The following CRTC1 variants were observed in gnomAD, a reference collection of about 807,000 sequenced individuals.
CRTC1 encodes the protein CREB-regulated transcription coactivator 1.
Under a neutral mutation model 66.1 loss-of-function variants are expected in CRTC1, and 18 were observed. The observed-to-expected ratio is 0.27, with a 90% CI of 0.19 to 0.40. CRTC1 has a LOEUF of 0.40. Among genes scored for constraint, CRTC1 ranks in the 10% least tolerant of loss-of-function variants. The pLI is 1.00. For missense variants in CRTC1, 669 were observed against 887.9 expected, an observed-to-expected ratio of 0.75 and a Z score of 3.13; for synonymous variants, 416 against 398.8, an observed-to-expected ratio of 1.04 and a Z score of -0.51.
At chr19:18,722,354 G>A (rs887224303) in intron 1 of CRTC1, among the ~76,000 whole-genome samples, 7 of 152,182 alleles carry the variant, frequency 4.6e-5, no homozygotes, top group African/African-American at 1.7e-4. Context: ...AGACATATGC[G>A]CCCATGTCCT....
chr19:18,769,530 T>C (rs1229847612), intron 10 of CRTC1, among the ~76,000 whole-genome samples: 1 of 152,206 alleles, frequency 6.6e-6, no homozygotes. Context: ...CCGCCTGAGC[T>C]GGGTGGGGCA....
rs1568514007 is a variant in CRTC1, at chr19:18,741,287, G to A, written c.127-1623G>A. Among the ~76,000 whole-genome samples, 1 of 152,220 alleles carries A rather than the reference G, an allele frequency of 6.6e-6. No individual in the cohort carries two copies. Among genetic ancestry groups the A allele is most frequent in the African/African-American group, 2.4e-5 (1 of 41,464 alleles). On this transcript the variant is annotated intron_variant, in intron 1 of 13. Coordinates refer to ENST00000321949, the MANE Select transcript of CRTC1 (RefSeq NM_015321.3). The surrounding 1 kb of genome is among the most constrained non-coding windows in gnomAD (Gnocchi z 4.2). ...AGGGAGTTCTTGCCCCTGATGTCTG[G>A]CCTCCTGGGAGCTGGCAGCTCAGCC...
chr19:18,729,409 G>A (rs1175137610), intron 1 of CRTC1, among the ~76,000 whole-genome samples: 1 of 147,168 alleles, frequency 6.8e-6, no homozygotes, highest in Non-Finnish European at 1.5e-5. Context: ...CTGGGCAACA[G>A]AGCGAGACTC....
chr19:18,741,234 G>A lies in CRTC1; in HGVS notation c.127-1676G>A, dbSNP rs986087846. 6.6e-5 allele frequency among the ~76,000 whole-genome samples: 10 copies of A among 152,200 alleles called. No individual in the cohort carries two copies. Among genetic ancestry groups the A allele is most frequent in the Non-Finnish European group, 1.5e-4 (10 of 68,026 alleles). On this transcript the variant is annotated intron_variant, in intron 1 of 13. Coordinates refer to ENST00000321949, the MANE Select transcript of CRTC1 (RefSeq NM_015321.3). This position sits in a 1 kb window ranked among gnomAD's most constrained non-coding sequence, Gnocchi z 4.2. ...CCGCATCCCAGGTTTCCTGTGGCCC[G>A]GGGACATAGTGTAAACAAAGCTGCT...
chr19:18,774,926 T>C lies in CRTC1; in HGVS notation c.1452T>C (p.Phe484=). The C allele has an allele frequency of 6.2e-7, 1 of 1,610,794 alleles. No homozygotes were observed. Among genetic ancestry groups the C allele is most frequent in the Non-Finnish European group, 8.5e-7 (1 of 1,179,982 alleles). Residue 484 remains phenylalanine (F), a synonymous_variant, in exon 12 of 14, where the codon TTT becomes TTC. Coordinates refer to ENST00000321949, the MANE Select transcript of CRTC1 (RefSeq NM_015321.3). ...PQHTSTLGSV[F]GDAYYEQQMA... Reference sequence around the variant, plus strand: ...ACACTTCCACCCTGGGCAGCGTGTTTGGGGACGCGTACTATGAGCAGCAGA... The same window carrying C: ...ACACTTCCACCCTGGGCAGCGTGTTCGGGGACGCGTACTATGAGCAGCAGA...
chr19:18,769,220 G>A lies in CRTC1; in HGVS notation c.1320+427G>A, dbSNP rs570407448. ...AGGCCAGTCCAAGAGGCGGCAGCCC[G>A]TTGGGCACAGCGCCTGGGGCCCAGG... is the stretch of plus-strand genomic sequence containing the variant. On this transcript the variant is annotated intron_variant, in intron 10 of 13. Coordinates refer to ENST00000321949, the MANE Select transcript of CRTC1 (RefSeq NM_015321.3). 4.7e-3 allele frequency among the ~76,000 whole-genome samples: 719 copies of A among 152,340 alleles called. 5 individuals carry two copies. The highest frequency in any genetic ancestry group is 7.4e-3 in the Admixed American group (113 of 15,310).
intron 1 of CRTC1, among the ~76,000 whole-genome samples, chr19:18,714,845 C>T (rs2053470630): frequency 6.6e-6 from 1 of 152,370 alleles, no homozygotes; most frequent in Admixed American, 6.5e-5. Context: ...CTATATGCTC[C>T]CTTGCCCTCC....
chr19:18,683,745 G>T lies in CRTC1; in HGVS notation c.43G>T (p.Ala15Ser). 1 of 1,402,356 alleles carries T rather than the reference G, an allele frequency of 7.1e-7. No homozygotes were observed. Among genetic ancestry groups the T allele is most frequent in the Non-Finnish European group, 9.5e-7 (1 of 1,054,314 alleles). The allele number at this position is 1,402,356 out of a possible 1,614,324, so 86.9% of individuals were successfully genotyped here. Reference sequence around the variant, plus strand: ...TCCGCGGAAATTCAGCGAGAAGATCGCGCTGCACAATCAGAAGCAGGCGGA... The same window carrying T: ...TCCGCGGAAATTCAGCGAGAAGATCTCGCTGCACAATCAGAAGCAGGCGGA... ...NNPRKFSEKI[A>S]LHNQKQAEET... is the part of the protein sequence containing the mutation. Residue 15 changes from alanine to serine, a missense_variant, in exon 1 of 14, where the codon GCG becomes TCG. Transcript: ENST00000321949.
At chr19:18,701,405 A>C (rs1600780917) in intron 1 of CRTC1, among the ~76,000 whole-genome samples, 1 of 152,216 alleles carries the variant, frequency 6.6e-6, no homozygotes, top group East Asian at 1.9e-4. Flanking sequence ...TGGTGGGTGC[A>C]CACCTTGAAA....
chr19:18,750,616 G>A (rs1484701908), intron 5 of CRTC1, among the ~76,000 whole-genome samples: 2 of 152,262 alleles, frequency 1.3e-5, no homozygotes, highest in Non-Finnish European at 2.9e-5. Context: ...TGAAGCCAGG[G>A]AGTTGCACGT....
intron 1 of CRTC1, among the ~76,000 whole-genome samples, chr19:18,721,195 GTTT>G (rs35208922): frequency 2.9e-5 from 4 of 136,954 alleles, no homozygotes; most frequent in Non-Finnish European, 3.1e-5. Flanking sequence ...TTCAACCTCT[GTTT>G]TTTTTTTTTT....
intron 1 of CRTC1, among the ~76,000 whole-genome samples, chr19:18,737,160 G>A (rs2054014874): frequency 6.6e-6 from 1 of 152,030 alleles, no homozygotes; most frequent in Non-Finnish European, 1.5e-5. Flanking sequence ...AGAGGCAGAG[G>A]TGGGCGTTCT....
At chr19:18,766,303 T>TA (rs1568536526) in intron 9 of CRTC1, among the ~76,000 whole-genome samples, 117 of 148,228 alleles carry the variant, frequency 7.9e-4, no homozygotes, top group African/African-American at 2.9e-3. Flanking sequence ...TTTTTTTTTT[T>TA]TTTTTTGGTA....
rs1047493392 is a variant in CRTC1, at chr19:18,781,635, G to T, written c.*4253G>T. ...GGGAGTTCCTGAGGGCATGGGTGGGGCAGGAGTGAGTGCCTCGTGATCCCA... is the reference window on the plus strand; with the variant it reads ...GGGAGTTCCTGAGGGCATGGGTGGGTCAGGAGTGAGTGCCTCGTGATCCCA... On this transcript the variant is annotated 3_prime_UTR_variant, in exon 14 of 14. Coordinates refer to ENST00000321949, the MANE Select transcript of CRTC1 (RefSeq NM_015321.3). The T allele has an allele frequency of 3.0e-5, 7 of 230,242 alleles. No individual in the cohort carries two copies. Among genetic ancestry groups the T allele is most frequent in the African/African-American group, 1.3e-4 (6 of 45,126 alleles). 14.3% of individuals were successfully genotyped at this position (230,242 alleles called of 1,614,324 possible).
intron 1 of CRTC1, among the ~76,000 whole-genome samples, chr19:18,716,342 T>G (rs1189986225): frequency 1.3e-5 from 2 of 151,712 alleles, no homozygotes; most frequent in African/African-American, 4.8e-5. Context: ...AGTCTCCACC[T>G]CCCAGGTTCA....
chr19:18,767,483 G>A (rs2054762534), intron 9 of CRTC1, among the ~76,000 whole-genome samples: 1 of 152,180 alleles, frequency 6.6e-6, no homozygotes, highest in Admixed American at 6.5e-5. Context: ...GCAGGTGTGA[G>A]CCACCGCGCC....
rs557598416 is a variant in CRTC1, at chr19:18,775,829, C to T, written c.1693+8C>T. Reference sequence around the variant, plus strand: ...CCAACATCATCCTCACAGGTGAGGCCAGGCCGGGGGCGCGTGTGCGGCGCC... The same window carrying T: ...CCAACATCATCCTCACAGGTGAGGCTAGGCCGGGGGCGCGTGTGCGGCGCC... On this transcript the variant is annotated splice_region_variant and intron_variant, in intron 13 of 13. Coordinates refer to ENST00000321949, the MANE Select transcript of CRTC1 (RefSeq NM_015321.3). 1.3e-6 allele frequency: 2 copies of T among 1,583,984 alleles called. No homozygotes were observed. Among genetic ancestry groups the T allele is most frequent in the Admixed American group, 1.8e-5 (1 of 55,794 alleles).
intron 1 of CRTC1, among the ~76,000 whole-genome samples, chr19:18,702,055 C>G (rs1374984113): frequency 6.6e-6 from 1 of 151,540 alleles, no homozygotes; most frequent in Non-Finnish European, 1.5e-5. Flanking sequence ...TCCCGAGTAG[C>G]TGGGATTATA....
chr19:18,755,062 C>A (rs1404101963), intron 6 of CRTC1, among the ~76,000 whole-genome samples: 3 of 151,924 alleles, frequency 2.0e-5, no homozygotes, highest in Non-Finnish European at 4.4e-5. Context: ...CGGCTCACTG[C>A]AACCTCTGCC....
Sources: allele counts gnomAD v4.1 joint callset (sites outside exome capture counted in the v4.1 genomes callset), GRCh38; gene constraint gnomAD v4.1.1; non-coding constraint Gnocchi (gnomAD v3.1); transcripts MANE v1.5; gene names NCBI Gene and HGNC (gene_info 2026-07-23, HGNC 2026-07-21).